CSGALNACT1: variants seen among roughly 807,000 people sequenced by gnomAD.
The protein encoded by CSGALNACT1 is beta4GalNAcT-1.
In CSGALNACT1, 52 loss-of-function variants were observed where a neutral mutation model predicts 51.0. The observed-to-expected ratio is 1.02, with a 90% CI of 0.82 to 1.29. The LOEUF is 1.29. Ranked by LOEUF, CSGALNACT1 falls within the 50% of genes most tolerant of loss-of-function variation. The pLI is 0.00. For synonymous variants in CSGALNACT1, 341 were observed against 254.4 expected (o/e 1.34, Z -3.24); for missense variants, 935 against 679.2 (o/e 1.38, Z -4.19).
At chr8:19,704,839 G>T (rs1320966238) in intron 1 of CSGALNACT1, among the ~76,000 whole-genome samples, 3 of 152,122 alleles carry the variant, frequency 2.0e-5, no homozygotes, top group Non-Finnish European at 4.4e-5. Context: ...AAACAACCTA[G>T]ACATGGAAAG....
intron 3 of CSGALNACT1, among the ~76,000 whole-genome samples, chr8:19,582,616 G>C (rs1004284265): frequency 8.5e-5 from 13 of 152,304 alleles, no homozygotes; most frequent in African/African-American, 3.1e-4. Context: ...AAGCCAATGA[G>C]AGTCAATCTT....
chr8:19,633,149 G>T (rs2055532624), intron 1 of CSGALNACT1, among the ~76,000 whole-genome samples: 1 of 151,966 alleles, frequency 6.6e-6, no homozygotes. Context: ...TTCCAGTGAG[G>T]GACCTCTGGC....
chr8:19,570,834 G>A (rs2042873708), intron 3 of CSGALNACT1, among the ~76,000 whole-genome samples: 1 of 152,096 alleles, frequency 6.6e-6, no homozygotes, highest in Non-Finnish European at 1.5e-5. Context: ...CTTGAACCCA[G>A]GAGGCACAGG....
At chr8:19,686,557 C>T (rs2060989687), upstream of CSGALNACT1, among the ~76,000 whole-genome samples, 1 of 151,434 alleles carries the variant, frequency 6.6e-6, no homozygotes, top group Admixed American at 6.6e-5. Context: ...TGCCTCCTAC[C>T]AAGACTACAC....
chr8:19,601,111 T>G (rs1041411482), intron 2 of CSGALNACT1, among the ~76,000 whole-genome samples: 4 of 152,198 alleles, frequency 2.6e-5, no homozygotes, highest in African/African-American at 9.7e-5. Flanking sequence ...TTATCAGATG[T>G]AATAAAACAT....
At chr8:19,655,591 TATA>T (rs2058201488) in intron 1 of CSGALNACT1, among the ~76,000 whole-genome samples, 1 of 150,776 alleles carries the variant, frequency 6.6e-6, no homozygotes, top group Non-Finnish European at 1.5e-5. Context: ...TATATATATA[TATA>T]TATTTGCAGA....
chr8:19,421,664 C>T (rs1352198050), intron 6 of CSGALNACT1, among the ~76,000 whole-genome samples: 3 of 152,334 alleles, frequency 2.0e-5, no homozygotes, highest in South Asian at 2.1e-4. Flanking sequence ...GTACCCGTCT[C>T]GGGTAAAGGC....
At chr8:19,518,228 C>G (rs934886718) in intron 3 of CSGALNACT1, among the ~76,000 whole-genome samples, 2 of 152,112 alleles carry the variant, frequency 1.3e-5, no homozygotes, top group Non-Finnish European at 2.9e-5. Context: ...TGAAAAGCAG[C>G]CCCAAATCAT....
At chr8:19,545,079 C>A (rs1197556677) in intron 3 of CSGALNACT1, among the ~76,000 whole-genome samples, 1 of 151,964 alleles carries the variant, frequency 6.6e-6, no homozygotes, top group East Asian at 1.9e-4. Flanking sequence ...GGGAGTTGTT[C>A]TGAAGCACAG....
chr8:19,474,733 T>C (rs1480562145), intron 4 of CSGALNACT1, among the ~76,000 whole-genome samples: 1 of 151,880 alleles, frequency 6.6e-6, no homozygotes, highest in Non-Finnish European at 1.5e-5. Flanking sequence ...CCAGGTGTGG[T>C]GGCACAGGCC....
chr8:19,459,376 T>C (rs10106874), intron 4 of CSGALNACT1, among the ~76,000 whole-genome samples: 134,770 of 134,996 alleles, frequency 1, 67,272 homozygotes, highest in Middle Eastern at 1. Context: ...GAGCGAAACT[T>C]TATCTCAAAA....
intron 1 of CSGALNACT1, among the ~76,000 whole-genome samples, chr8:19,644,404 CAAAA>C (rs71545561): frequency 7.5e-6 from 1 of 133,560 alleles, no homozygotes. Context: ...CTTAACCTCT[CAAAA>C]AAAAAAAAAG....
intron 8 of CSGALNACT1, among the ~76,000 whole-genome samples, chr8:19,409,457 C>A (rs1394542209): frequency 6.6e-6 from 1 of 151,746 alleles, no homozygotes; most frequent in African/African-American, 2.4e-5. Flanking sequence ...TTTGCTGAAA[C>A]AGCAAGGCTT....
intron 2 of CSGALNACT1, among the ~76,000 whole-genome samples, chr8:19,593,417 G>C (rs186664654): frequency 6.6e-6 from 1 of 152,216 alleles, no homozygotes; most frequent in Non-Finnish European, 1.5e-5. Flanking sequence ...CACCACAACA[G>C]CTAGGCTCCT....
chr8:19,654,695 C>A (rs993026208), intron 1 of CSGALNACT1, among the ~76,000 whole-genome samples: 7 of 152,044 alleles, frequency 4.6e-5, no homozygotes, highest in Non-Finnish European at 8.8e-5. Flanking sequence ...CAGGCATGCA[C>A]CACACGCCCA....
chr8:19,619,576 G>A (rs1263150630), intron 1 of CSGALNACT1, among the ~76,000 whole-genome samples: 5 of 152,156 alleles, frequency 3.3e-5, no homozygotes, highest in Admixed American at 2.6e-4. Context: ...TGCCAGACTA[G>A]GGGCAGGTTC....
At chr8:19,496,928 G>C (rs568843748) in intron 4 of CSGALNACT1, among the ~76,000 whole-genome samples, 64 of 152,236 alleles carry the variant, frequency 4.2e-4, no homozygotes, top group African/African-American at 1.4e-3. Flanking sequence ...TGTGCAGCCG[G>C]CGGGAGGGGA....
At chr8:19,436,316 T>C (rs1004153491) in intron 6 of CSGALNACT1, among the ~76,000 whole-genome samples, 118 of 152,130 alleles carry the variant, frequency 7.8e-4, no homozygotes, top group African/African-American at 2.8e-3. Flanking sequence ...CATATTAGAG[T>C]GAACAGGTGG....
upstream of CSGALNACT1, among the ~76,000 whole-genome samples, chr8:19,606,083 G>A (rs896100510): frequency 6.6e-6 from 1 of 152,074 alleles, no homozygotes; most frequent in Non-Finnish European, 1.5e-5. Flanking sequence ...TCTAAACCAT[G>A]TCTGTGTCAG....
Sources: allele counts gnomAD v4.1 joint callset (sites outside exome capture counted in the v4.1 genomes callset), GRCh38; gene constraint gnomAD v4.1.1; transcripts MANE v1.5; gene names NCBI Gene and HGNC (gene_info 2026-07-23, HGNC 2026-07-21).